The following RBMS3 variants were observed in gnomAD, a reference collection of about 807,000 sequenced individuals.
The protein encoded by RBMS3 is RNA binding motif single stranded interacting protein 3, also known as RNA-binding motif, single-stranded-interacting protein 3.
In RBMS3, 27 loss-of-function variants were observed where a neutral mutation model predicts 66.8. The ratio of observed to expected loss-of-function variants is 0.40; its 90% CI spans 0.30 to 0.56. The LOEUF (loss-of-function observed/expected upper bound fraction) is 0.56, where lower values mean the gene tolerates loss of function less well. Ranked by LOEUF, RBMS3 falls within the 20% of genes least tolerant of loss-of-function variation. RBMS3 has a pLI of 0.40. For missense variants in RBMS3, 513 were observed against 549.5 expected (o/e 0.93, Z 0.66); for synonymous variants, 188 against 183.0 (o/e 1.03, Z -0.22).
chr3:29,639,683 A>G (rs368447324), intron 4 of RBMS3, among the ~76,000 whole-genome samples: 2 of 151,766 alleles, frequency 1.3e-5, no homozygotes, highest in African/African-American at 4.8e-5. Flanking sequence ...TGGCCTTGGA[A>G]GTCCTCTTTT....
intron 4 of RBMS3, among the ~76,000 whole-genome samples, chr3:29,662,406 C>T (rs2149231577): frequency 6.6e-6 from 1 of 152,238 alleles, no homozygotes; most frequent in African/African-American, 2.4e-5. Context: ...GAAAATTGAG[C>T]ATCACCTTAT....
intron 6 of RBMS3, among the ~76,000 whole-genome samples, chr3:29,794,368 T>G (rs1208808049): frequency 1.3e-5 from 2 of 151,848 alleles, no homozygotes; most frequent in Non-Finnish European, 2.9e-5. Flanking sequence ...AGGTGGATCA[T>G]GAGGTCAGGA....
chr3:29,788,117 T>C (rs1394822008), intron 6 of RBMS3, among the ~76,000 whole-genome samples: 3 of 152,068 alleles, frequency 2.0e-5, no homozygotes, highest in Non-Finnish European at 2.9e-5. Flanking sequence ...AACGTATGTT[T>C]ATATTTTCAC....
rs776357215 is a variant in RBMS3 at position 29,384,435 on chromosome 3, T to TAATAATAATAAGAAGAAG, written c.76-50306_76-50305insTAATAATAAGAAGAAGAA. 5.6e-3 allele frequency among the ~76,000 whole-genome samples: 796 copies of TAATAATAATAAGAAGAAG among 141,072 alleles called. 7 individuals carry two copies. The highest frequency in any genetic ancestry group is 0.014 in the South Asian group (60 of 4,144). The allele number at this position is 141,072 out of a possible 152,430, so 92.5% of individuals were successfully genotyped here. A position where few individuals can be genotyped will look rare whatever the true frequency, so the allele number is the denominator to read the frequency against. On this transcript the variant is annotated intron_variant, in intron 1 of 14. Coordinates refer to ENST00000383767, the MANE Select transcript of RBMS3 (RefSeq NM_001003793.3). ...TATACACCAATAATAATAATAATAA[T>TAATAATAATAAGAAGAAG]AAGAAGAAGAAGAAGAAGAAGAAGA...
At chr3:29,824,720 A>G (rs969842072) in intron 6 of RBMS3, among the ~76,000 whole-genome samples, 2 of 152,200 alleles carry the variant, frequency 1.3e-5, no homozygotes, top group African/African-American at 2.4e-5. Flanking sequence ...ATTAGTTTCC[A>G]GTTGTAAACC....
chr3:29,859,024 C>A (rs1166225321), intron 6 of RBMS3, among the ~76,000 whole-genome samples: 1 of 152,090 alleles, frequency 6.6e-6, no homozygotes, highest in African/African-American at 2.4e-5. Flanking sequence ...AAGCAGTAAT[C>A]CATTACTGAG....
At chr3:29,647,681 T>G (rs1315796195) in intron 4 of RBMS3, among the ~76,000 whole-genome samples, 1 of 152,184 alleles carries the variant, frequency 6.6e-6, no homozygotes, top group East Asian at 1.9e-4. Context: ...GTAACCATCT[T>G]AAATACATGT....
Position 30,004,138 on chromosome 3 carries a change from C to T in RBMS3, c.*276C>T, listed in dbSNP as rs1028952612. The T allele has an allele frequency of 4.7e-5, 13 of 277,602 alleles. No homozygotes were observed. The highest frequency in any genetic ancestry group is 2.5e-4 in the African/African-American group (11 of 43,884). The allele number at this position is 277,602 out of a possible 1,614,324, so 17.2% of individuals were successfully genotyped here. A position where few individuals can be genotyped will look rare whatever the true frequency, so the allele number is the denominator to read the frequency against. ...GAAAAAAAAACTACAAAAAACAAAACATTGAAGGTTGATATTTTATGTGGA... is the reference window on the plus strand; with the variant it reads ...GAAAAAAAAACTACAAAAAACAAAATATTGAAGGTTGATATTTTATGTGGA... On this transcript the variant is annotated 3_prime_UTR_variant, in exon 15 of 15. Coordinates refer to ENST00000383767, the MANE Select transcript of RBMS3 (RefSeq NM_001003793.3).
At chr3:29,295,871 T>C (rs2033226680) in intron 1 of RBMS3, among the ~76,000 whole-genome samples, 1 of 151,744 alleles carries the variant, frequency 6.6e-6, no homozygotes. Context: ...TCTAATTAAG[T>C]TTGCTTCCTT....
chr3:29,630,812 A>C (rs946872255), intron 4 of RBMS3, among the ~76,000 whole-genome samples: 1 of 152,008 alleles, frequency 6.6e-6, no homozygotes, highest in Non-Finnish European at 1.5e-5. Flanking sequence ...GAAAATGTTT[A>C]AGTTGGTCAA....
At chr3:29,823,436 C>G (rs1390494565) in intron 6 of RBMS3, among the ~76,000 whole-genome samples, 4 of 152,240 alleles carry the variant, frequency 2.6e-5, no homozygotes, top group Admixed American at 2.6e-4. Context: ...TGTAGTATCA[C>G]TTTGAGTGAA....
At chr3:29,335,631 T>C (rs1003810117) in intron 1 of RBMS3, among the ~76,000 whole-genome samples, 80 of 152,196 alleles carry the variant, frequency 5.3e-4, no homozygotes, top group Non-Finnish European at 1.3e-4. Flanking sequence ...GTATTTGGTA[T>C]GTGGGAGAAA....
chr3:29,585,841 C>T (rs1408278040), intron 3 of RBMS3, among the ~76,000 whole-genome samples: 2 of 152,048 alleles, frequency 1.3e-5, no homozygotes, highest in Non-Finnish European at 2.9e-5. Flanking sequence ...AGCTTCTCTG[C>T]CCAGCTTTTC....
At chr3:29,523,322 T>C (rs544592873) in intron 3 of RBMS3, among the ~76,000 whole-genome samples, 40 of 152,322 alleles carry the variant, frequency 2.6e-4, no homozygotes, top group African/African-American at 9.4e-4. Flanking sequence ...ATTTTAATAT[T>C]ATGTTGTAGT....
chr3:29,712,183 G>A (rs13090041), intron 4 of RBMS3, among the ~76,000 whole-genome samples: 68,999 of 151,958 alleles, frequency 0.45, 15,929 homozygotes, highest in Middle Eastern at 0.55. Flanking sequence ...TGTGGTGGAT[G>A]ATTTTAGATC....
At chr3:29,357,291 A>G (rs1012896329) in intron 1 of RBMS3, among the ~76,000 whole-genome samples, 5 of 151,898 alleles carry the variant, frequency 3.3e-5, no homozygotes, top group African/African-American at 1.2e-4. Flanking sequence ...GAGTGAGAAC[A>G]CGCGGTGTTT....
At chr3:29,647,227 C>T (rs1252501397) in intron 4 of RBMS3, among the ~76,000 whole-genome samples, 1 of 152,206 alleles carries the variant, frequency 6.6e-6, no homozygotes, top group African/African-American at 2.4e-5. Flanking sequence ...GATCCGCCTG[C>T]CTCGGCCACC....
chr3:29,454,733 G>A (rs936469974), intron 2 of RBMS3, among the ~76,000 whole-genome samples: 2 of 151,986 alleles, frequency 1.3e-5, no homozygotes, highest in Admixed American at 6.6e-5. Flanking sequence ...TCTTTGATTC[G>A]ATACAGTGAT....
intron 4 of RBMS3, among the ~76,000 whole-genome samples, chr3:29,631,938 C>G (rs1398647086): frequency 6.6e-6 from 1 of 151,932 alleles, no homozygotes; most frequent in African/African-American, 2.4e-5. Flanking sequence ...AAAAGAGGAA[C>G]AAGCGACACA....
Sources: allele counts gnomAD v4.1 joint callset (sites outside exome capture counted in the v4.1 genomes callset), GRCh38; gene constraint gnomAD v4.1.1; transcripts MANE v1.5; gene names NCBI Gene and HGNC (gene_info 2026-07-23, HGNC 2026-07-21).